Variants in TRIP12 observed in about 807,000 individuals in gnomAD.
TRIP12 encodes thyroid hormone receptor interactor 12, also known as E3 ubiquitin-protein ligase TRIP12.
In TRIP12, 25 loss-of-function variants were observed where a neutral mutation model predicts 244.2. The observed-to-expected ratio is 0.10, with a 90% confidence interval of 0.07 to 0.14. The LOEUF (loss-of-function observed/expected upper bound fraction) is 0.14. Among genes scored for constraint, TRIP12 ranks in the 10% least tolerant of loss-of-function variants. The pLI is 1.00. For synonymous variants in TRIP12, 905 were observed against 873.1 expected (o/e 1.04, Z -0.64); for missense variants, 1,677 against 2,486.4 (o/e 0.67, Z 6.92).
chr2:229,906,234 G>A (rs1233399111), intron 1 of TRIP12, among the ~76,000 whole-genome samples: 1 of 151,478 alleles, frequency 6.6e-6, no homozygotes, highest in African/African-American at 2.4e-5. Context: ...GAGCCTGGGA[G>A]GTGGAGGTTG....
intron 2 of TRIP12, among the ~76,000 whole-genome samples, chr2:229,874,243 A>G (rs184150643): frequency 6.6e-6 from 1 of 152,226 alleles, no homozygotes; most frequent in Admixed American, 6.5e-5. Context: ...ACTTTAAACC[A>G]AGGAATTCTT....
chr2:229,858,077 T>G (rs1302896105), intron 4 of TRIP12, among the ~76,000 whole-genome samples: 1 of 152,126 alleles, frequency 6.6e-6, no homozygotes, highest in Non-Finnish European at 1.5e-5. Context: ...TAAAAAAATA[T>G]ATTTGGCCAG....
At chr2:229,857,915 A>C (rs2059876376) in intron 4 of TRIP12, among the ~76,000 whole-genome samples, 1 of 152,264 alleles carries the variant, frequency 6.6e-6, no homozygotes, top group Admixed American at 6.5e-5. Context: ...AGTAGTGTAT[A>C]TAAGAGTAGT....
Position 229,808,365 on chromosome 2 carries a change from A to G in TRIP12, c.2226T>C (p.Ile742=), listed in dbSNP as rs2154276227. The change falls in exon 16 of 42, where the codon ATT becomes ATC. Residue 742 remains isoleucine, a synonymous_variant. Coordinates refer to ENST00000675903, the MANE Select transcript of TRIP12 (RefSeq NM_001348323.3). ...ACAGGAGAAAGTGAAGCGTTTCTGC[A>G]ATGTCTGTAAAAACCAACAACAAAA... ...TLAVQLMKQN[I]AETLHFLLCG... The G allele has an allele frequency of 3.1e-6, 5 of 1,610,092 alleles. No individual in the cohort carries two copies. Among genetic ancestry groups the G allele is most frequent in the African/African-American group, 1.3e-5 (1 of 75,004 alleles).
At chr2:229,839,229 GT>G (rs2055687138) in intron 5 of TRIP12, among the ~76,000 whole-genome samples, 1 of 152,186 alleles carries the variant, frequency 6.6e-6, no homozygotes, top group Non-Finnish European at 1.5e-5. Flanking sequence ...AAGGTAACGT[GT>G]TTTACAGGTT....
intron 1 of TRIP12, among the ~76,000 whole-genome samples, chr2:229,896,034 A>C (rs78579186): frequency 6.6e-6 from 1 of 152,198 alleles, no homozygotes; most frequent in African/African-American, 2.4e-5. Flanking sequence ...ACACCAAGTG[A>C]AATTATCTCC....
intron 1 of TRIP12, among the ~76,000 whole-genome samples, chr2:229,906,277 A>G (rs1210531823): frequency 1.3e-5 from 2 of 148,462 alleles, no homozygotes; most frequent in Non-Finnish European, 3.0e-5. Flanking sequence ...CTGCACTCCA[A>G]CCTGGCTGAC....
At chr2:229,905,709 T>C (rs1272937524) in intron 1 of TRIP12, among the ~76,000 whole-genome samples, 2 of 152,216 alleles carry the variant, frequency 1.3e-5, no homozygotes, top group Non-Finnish European at 2.9e-5. Flanking sequence ...GTCTAGAAAG[T>C]AGTTTTGCAA....
chr2:229,864,047 AGTGT>A (rs371818159), intron 2 of TRIP12, among the ~76,000 whole-genome samples: 906 of 79,178 alleles, frequency 0.011, 9 homozygotes, highest in African/African-American at 0.026. Flanking sequence ...AGAGAGAGAG[AGTGT>A]GTGTGTGTGT....
chr2:229,897,005 G>A (rs554641672), intron 1 of TRIP12, among the ~76,000 whole-genome samples: 3 of 152,292 alleles, frequency 2.0e-5, no homozygotes, highest in Admixed American at 2.0e-4. Context: ...TTCACTGACT[G>A]TAACAAATGT....
At chr2:229,922,718 G>A, upstream of TRIP12, 6 of 1,115,288 alleles carry the variant, frequency 5.4e-6, no homozygotes, top group Non-Finnish European at 3.8e-6. Flanking sequence ...CGCCGGAAGC[G>A]CCCAGTCCCG....
At chr2:229,811,285 T>G in intron 13 of TRIP12, 81 bp from the exon 14 acceptor site, 3 of 1,392,248 alleles carry the variant, frequency 2.2e-6, no homozygotes, top group Non-Finnish European at 3.0e-6. Context: ...ATCTTCCTCC[T>G]AACCCCAGAT....
Position 229,813,445 on chromosome 2 carries a change from G to A in TRIP12, c.1986+425C>T, listed in dbSNP as rs538304916. On this transcript the variant is annotated intron_variant, in intron 13 of 41. Transcript: ENST00000675903. ...AAATAAAAAATATCAGAACATTTTC[G>A]ATTATATATGCAGTTAAAGATTTAA... 3.3e-5 allele frequency among the ~76,000 whole-genome samples: 5 copies of A among 152,178 alleles called. No individual in the cohort carries two copies. In the South Asian group the frequency reaches 8.3e-4, roughly 25 times the overall value.
chr2:229,896,550 T>C (rs753723489), intron 1 of TRIP12, among the ~76,000 whole-genome samples: 1 of 152,122 alleles, frequency 6.6e-6, no homozygotes, highest in Non-Finnish European at 1.5e-5. Context: ...AGGTGAAGGT[T>C]GCAGTGAGCT....
chr2:229,823,735 C>A (rs1181121480), intron 8 of TRIP12, among the ~76,000 whole-genome samples: 1 of 151,858 alleles, frequency 6.6e-6, no homozygotes, highest in Non-Finnish European at 1.5e-5. Flanking sequence ...TGCCTGTAAC[C>A]CCAGCAACTT....
At chr2:229,772,299 A>G (rs934419308) in intron 38 of TRIP12, among the ~76,000 whole-genome samples, 6 of 152,236 alleles carry the variant, frequency 3.9e-5, no homozygotes, top group South Asian at 2.1e-4. Flanking sequence ...AGTATAAATT[A>G]TTTTGAGATA....
intron 1 of TRIP12, among the ~76,000 whole-genome samples, chr2:229,899,543 C>T (rs1463686199): frequency 6.6e-6 from 1 of 152,054 alleles, no homozygotes; most frequent in African/African-American, 2.4e-5. Flanking sequence ...AGGATGCATG[C>T]AAGGTTTAAA....
At chr2:229,882,846 G>C (rs2065160825) in intron 1 of TRIP12, among the ~76,000 whole-genome samples, 1 of 152,178 alleles carries the variant, frequency 6.6e-6, no homozygotes. Context: ...AACATCTTCA[G>C]TGCTGGTCAA....
intron 37 of TRIP12, among the ~76,000 whole-genome samples, chr2:229,774,810 A>C (rs2035700983): frequency 6.6e-6 from 1 of 151,858 alleles, no homozygotes; most frequent in African/African-American, 2.4e-5. Flanking sequence ...GTTTGTATCT[A>C]TGCAGCAACA....
Sources: gnomAD v4.1 joint callset for allele counts (sites outside exome capture counted in the v4.1 genomes callset) on GRCh38, gnomAD v4.1.1 for gene constraint, MANE v1.5 for transcripts, NCBI Gene and HGNC (gene_info 2026-07-23, HGNC 2026-07-21) for gene names.